RGS7BP: variants seen among roughly 807,000 people sequenced by gnomAD.
RGS7BP encodes the protein regulator of G protein signaling 7 binding protein.
A neutral mutation model predicts 31.3 loss-of-function variants in RGS7BP; 9 were observed. The ratio of observed to expected loss-of-function variants is 0.29; its 90% CI spans 0.17 to 0.50. The LOEUF (loss-of-function observed/expected upper bound fraction) is 0.50, where lower values mean the gene tolerates loss of function less well. RGS7BP is among the 20% of genes least tolerant of loss of function. The pLI is 0.98. For synonymous variants in RGS7BP, 115 were observed against 120.1 expected (o/e 0.96, Z 0.28); for missense variants, 274 against 322.0 (o/e 0.85, Z 1.14).
chr5:64,591,521 T>C (rs1019962901), intron 3 of RGS7BP, among the ~76,000 whole-genome samples: 7 of 152,094 alleles, frequency 4.6e-5, no homozygotes, highest in Non-Finnish European at 7.4e-5. Context: ...GGTTTACCAC[T>C]GGTGGACGTA....
At chr5:64,574,602 A>C (rs529310696) in intron 2 of RGS7BP, among the ~76,000 whole-genome samples, 1 of 152,206 alleles carries the variant, frequency 6.6e-6, no homozygotes, top group Non-Finnish European at 1.5e-5. Context: ...TGAGGCTAAG[A>C]ATTTTGCATT....
chr5:64,510,208 G>T (rs1748798443), intron 2 of RGS7BP, among the ~76,000 whole-genome samples: 3 of 152,160 alleles, frequency 2.0e-5, no homozygotes, highest in Admixed American at 1.3e-4. Flanking sequence ...CTGAGGGAGG[G>T]ATTATTATTC....
At chr5:64,568,726 G>A (rs1021685898) in intron 2 of RGS7BP, among the ~76,000 whole-genome samples, 2 of 149,382 alleles carry the variant, frequency 1.3e-5, no homozygotes, top group East Asian at 3.9e-4. Context: ...TTTAATAGTA[G>A]TATTTTTAGT....
Position 64,531,456 on chromosome 5 carries a change from C to T in RGS7BP, c.332+23579C>T, listed in dbSNP as rs548310403. Among the ~76,000 whole-genome samples, 55 of 152,202 alleles carry T rather than the reference C, an allele frequency of 3.6e-4. 2 individuals are homozygous for T. In the South Asian group the frequency reaches 0.01, roughly 29 times the overall value. On this transcript the variant is annotated intron_variant, in intron 2 of 5. Coordinates refer to ENST00000334025, the MANE Select transcript of RGS7BP (RefSeq NM_001029875.3). ...ACTTGCACCTGGGGAGTTTGTTGTTCGACATCTTCCAAATTAGGAGGTCTG... is the reference window on the plus strand; with the variant it reads ...ACTTGCACCTGGGGAGTTTGTTGTTTGACATCTTCCAAATTAGGAGGTCTG...
intron 2 of RGS7BP, among the ~76,000 whole-genome samples, chr5:64,567,994 AT>A (rs1234539085): frequency 1.3e-5 from 2 of 152,080 alleles, no homozygotes; most frequent in Non-Finnish European, 2.9e-5. Flanking sequence ...ATGCAAAAAT[AT>A]TTTGCAGATT....
intron 2 of RGS7BP, among the ~76,000 whole-genome samples, chr5:64,537,746 C>G (rs1741411950): frequency 6.6e-6 from 1 of 152,186 alleles, no homozygotes; most frequent in Non-Finnish European, 1.5e-5. Flanking sequence ...GTGTTAGACT[C>G]TTGACTTTCA....
chr5:64,590,031 A>C (rs1047447847), intron 3 of RGS7BP, among the ~76,000 whole-genome samples: 1 of 151,994 alleles, frequency 6.6e-6, no homozygotes. Context: ...CCATTGGGGA[A>C]ATTTAAATAT....
intron 4 of RGS7BP, among the ~76,000 whole-genome samples, chr5:64,596,687 AC>A (rs768925366): frequency 9.5e-4 from 145 of 152,090 alleles, no homozygotes; most frequent in Middle Eastern, 3.4e-3. Context: ...CACACCTCGC[AC>A]CCATGAGAGT....
intron 3 of RGS7BP, among the ~76,000 whole-genome samples, chr5:64,578,840 A>G (rs1449848687): frequency 1.3e-5 from 2 of 152,218 alleles, no homozygotes; most frequent in African/African-American, 4.8e-5. Flanking sequence ...CAGTCCCTGA[A>G]CTAACAGCAT....
In RGS7BP at chr5:64,610,030, C is replaced by T. The variant is rs1186918262; in HGVS notation, c.*778C>T. ...AATGGTGTAGTAACATATACAATTG[C>T]CCTCAAATGTAAAATCAAATATTAT... On this transcript the variant is annotated 3_prime_UTR_variant, in exon 6 of 6. Coordinates refer to ENST00000334025, the MANE Select transcript of RGS7BP (RefSeq NM_001029875.3). 6.6e-6 allele frequency: 1 copy of T among 152,318 alleles called. No homozygotes were observed. The highest frequency in any genetic ancestry group is 2.4e-5 in the African/African-American group (1 of 41,404). 9.4% of individuals were successfully genotyped at this position (152,318 alleles called of 1,614,324 possible).
intron 2 of RGS7BP, among the ~76,000 whole-genome samples, chr5:64,525,298 T>G (rs1194367140): frequency 6.6e-6 from 1 of 152,176 alleles, no homozygotes; most frequent in East Asian, 1.9e-4. Context: ...CTCAGCAATC[T>G]AAGGCAAGGA....
intron 3 of RGS7BP, among the ~76,000 whole-genome samples, chr5:64,578,683 G>A (rs1742501869): frequency 6.6e-6 from 1 of 152,184 alleles, no homozygotes; most frequent in Non-Finnish European, 1.5e-5. Flanking sequence ...GTGGCTTTAT[G>A]CGTTCTTTCT....
intron 2 of RGS7BP, among the ~76,000 whole-genome samples, chr5:64,543,808 A>G (rs1009584452): frequency 1.3e-5 from 2 of 152,218 alleles, no homozygotes; most frequent in African/African-American, 4.8e-5. Flanking sequence ...TGTCCACTCT[A>G]TCTTCCCTAT....
At chr5:64,567,033 G>A (rs906724153) in intron 2 of RGS7BP, among the ~76,000 whole-genome samples, 1 of 151,622 alleles carries the variant, frequency 6.6e-6, no homozygotes, top group African/African-American at 2.4e-5. Flanking sequence ...GTCCTCAAAC[G>A]GACCTTTTGC....
chr5:64,508,521 A>G (rs903717622), intron 2 of RGS7BP, among the ~76,000 whole-genome samples: 6 of 152,158 alleles, frequency 3.9e-5, no homozygotes, highest in African/African-American at 1.4e-4. Flanking sequence ...TCTAGCCTGT[A>G]TTAGGAGATA....
chr5:64,518,278 G>A (rs779878748), intron 2 of RGS7BP, among the ~76,000 whole-genome samples: 4 of 150,042 alleles, frequency 2.7e-5, no homozygotes, highest in Admixed American at 6.7e-5. Context: ...TTCTGGGAAC[G>A]TATTCATAGT....
intron 3 of RGS7BP, among the ~76,000 whole-genome samples, chr5:64,589,686 C>T (rs2111942857): frequency 6.6e-6 from 1 of 152,178 alleles, no homozygotes; most frequent in East Asian, 1.9e-4. Flanking sequence ...GTAATTCCAG[C>T]ACTTTGGGAG....
intron 2 of RGS7BP, among the ~76,000 whole-genome samples, chr5:64,519,211 A>G (rs1749047156): frequency 6.6e-6 from 1 of 152,174 alleles, no homozygotes; most frequent in South Asian, 2.1e-4. Context: ...GAAAGAAGTA[A>G]AGGTAGATCC....
chr5:64,606,633 C>G (rs1743373596), intron 5 of RGS7BP, among the ~76,000 whole-genome samples: 3 of 152,034 alleles, frequency 2.0e-5, no homozygotes, highest in African/African-American at 7.2e-5. Context: ...CCATATCCAA[C>G]TAGGTTAAGT....
Sources: allele counts gnomAD v4.1 joint callset (sites outside exome capture counted in the v4.1 genomes callset), GRCh38; gene constraint gnomAD v4.1.1; transcripts MANE v1.5; gene names NCBI Gene and HGNC (gene_info 2026-07-23, HGNC 2026-07-21).